The following HTR4 variants were observed in gnomAD, a reference collection of about 807,000 sequenced individuals.
HTR4 encodes 5-hydroxytryptamine receptor 4.
A neutral mutation model predicts 36.8 loss-of-function variants in HTR4; 16 were observed. The ratio of observed to expected loss-of-function variants is 0.43; its 90% CI spans 0.29 to 0.66. The LOEUF (loss-of-function observed/expected upper bound fraction) is 0.66. HTR4 is among the 30% of genes least tolerant of loss of function. HTR4 has a pLI of 0.13. For missense variants in HTR4, 438 were observed against 490.9 expected, an observed-to-expected ratio of 0.89 and a Z score of 1.02; for synonymous variants, 189 against 185.1, an observed-to-expected ratio of 1.02 and a Z score of -0.17.
downstream of HTR4, among the ~76,000 whole-genome samples, chr5:148,472,734 G>C (rs1203376019): frequency 1.3e-5 from 2 of 152,140 alleles, no homozygotes; most frequent in Non-Finnish European, 2.9e-5. Context: ...GGTTAGCAGG[G>C]AGAAGTTGCA....
At chr5:148,493,738 G>A (rs1434979483) in intron 6 of HTR4, among the ~76,000 whole-genome samples, 2 of 151,994 alleles carry the variant, frequency 1.3e-5, no homozygotes, top group Non-Finnish European at 1.5e-5. Flanking sequence ...CCTGCCATTC[G>A]AACAAGTTGC....
At chr5:148,610,102 T>C (rs1350914000) in intron 2 of HTR4, among the ~76,000 whole-genome samples, 1 of 152,196 alleles carries the variant, frequency 6.6e-6, no homozygotes, top group African/African-American at 2.4e-5. Context: ...CAATAAAACA[T>C]TGCTCATCAC....
chr5:148,528,179 T>C (rs932153342), intron 4 of HTR4, among the ~76,000 whole-genome samples: 4 of 152,214 alleles, frequency 2.6e-5, no homozygotes, highest in African/African-American at 9.6e-5. Context: ...GTTAGGTAGA[T>C]TGTTAGTGAC....
chr5:148,472,175 G>T (rs1755585591), downstream of HTR4, among the ~76,000 whole-genome samples: 1 of 152,184 alleles, frequency 6.6e-6, no homozygotes, highest in South Asian at 2.1e-4. Context: ...GCAATACAGA[G>T]TCTCTTCCAT....
At chr5:148,537,997 C>T (rs1758916203) in intron 4 of HTR4, among the ~76,000 whole-genome samples, 1 of 152,174 alleles carries the variant, frequency 6.6e-6, no homozygotes, top group Non-Finnish European at 1.5e-5. Flanking sequence ...TACTTGCAAA[C>T]TGAATCCAGC....
chr5:148,539,812 C>T (rs540103935), intron 4 of HTR4, among the ~76,000 whole-genome samples: 7 of 152,138 alleles, frequency 4.6e-5, no homozygotes, highest in Non-Finnish European at 8.8e-5. Context: ...AACACTATGG[C>T]GATTCCTCAA....
rs200514272 is a variant in HTR4, at chr5:148,523,176, T to C, written c.507+17A>G. 9.8e-5 allele frequency: 157 copies of C among 1,608,068 alleles called. No homozygotes were observed. The highest frequency in any genetic ancestry group is 1.3e-4 in the Non-Finnish European group (147 of 1,175,862). On this transcript the variant is annotated intron_variant, in intron 5 of 6. Coordinates refer to ENST00000377888, the MANE Select transcript of HTR4 (RefSeq NM_000870.7). ...TTGATCAGACAGTAAACCAGTGAGGTCTGTGTGGATACTCACCAAATCAAT... is the reference window on the plus strand; with the variant it reads ...TTGATCAGACAGTAAACCAGTGAGGCCTGTGTGGATACTCACCAAATCAAT...
At chr5:148,647,515 C>T (rs971194821) in intron 1 of HTR4, among the ~76,000 whole-genome samples, 3 of 152,084 alleles carry the variant, frequency 2.0e-5, no homozygotes, top group African/African-American at 7.2e-5. Flanking sequence ...GAGTCTTTCC[C>T]TCTCCCCTTA....
Position 148,550,662 on chromosome 5 carries a change from C to T in HTR4, c.27-400G>A, listed in dbSNP as rs78985254. Among the ~76,000 whole-genome samples, 1,050 of 152,260 alleles carry T rather than the reference C, an allele frequency of 6.9e-3. 6 individuals carry two copies. The highest frequency in any genetic ancestry group is 0.011 in the Non-Finnish European group (750 of 68,016). On this transcript the variant is annotated intron_variant, in intron 2 of 6. Coordinates refer to ENST00000377888, the MANE Select transcript of HTR4 (RefSeq NM_000870.7). ...GCAGGAGCAGCCCAATTTGGTCCAA[C>T]TTTGTGTATAAAATGGTGAGTTGTG...
chr5:148,530,017 A>C lies in HTR4; in HGVS notation c.354-6671T>G, dbSNP rs115237585. ...TGGAAGAAATTTCCACCAGGAAGAA[A>C]TTTCCACCATCAGGAAGAAATGTTA... On this transcript the variant is annotated intron_variant, in intron 4 of 6. Coordinates refer to ENST00000377888, the MANE Select transcript of HTR4 (RefSeq NM_000870.7). 5.6e-3 allele frequency among the ~76,000 whole-genome samples: 852 copies of C among 152,308 alleles called. 3 individuals are homozygous for C. The highest frequency in any genetic ancestry group is 0.019 in the African/African-American group (802 of 41,572).
intron 2 of HTR4, among the ~76,000 whole-genome samples, chr5:148,621,361 C>G (rs931643116): frequency 1.3e-5 from 2 of 152,206 alleles, no homozygotes; most frequent in African/African-American, 4.8e-5. Flanking sequence ...ATTCTACTCT[C>G]TTAGCTGTCT....
exon 6 of HTR4, chr5:148,451,238 G>A: frequency 6.2e-7 from 1 of 1,613,888 alleles, no homozygotes; most frequent in South Asian, 1.1e-5. Context: ...AGTTTCTCGA[G>A]TTCCTGATGA....
At chr5:148,514,708 C>A (rs1757654951) in intron 5 of HTR4, among the ~76,000 whole-genome samples, 2 of 152,046 alleles carry the variant, frequency 1.3e-5, no homozygotes, top group Admixed American at 1.3e-4. Flanking sequence ...TATTCAGTAT[C>A]TTGTTTTATA....
chr5:148,651,922 G>A (rs1444612800), intron 1 of HTR4, among the ~76,000 whole-genome samples: 1 of 151,918 alleles, frequency 6.6e-6, no homozygotes, highest in African/African-American at 2.4e-5. Flanking sequence ...AAGAACCCTT[G>A]GAAATGATCT....
In HTR4 at chr5:148,498,971, T is replaced by C. The variant is rs556724183; in HGVS notation, c.1076+10485A>G. ...AATATGAACAAAATGGTAGAGTTGA[T>C]AGATTAAAAAATGACTCATCAACTT... On this transcript the variant is annotated intron_variant, in intron 6 of 6. Transcript: ENST00000377888. Among the ~76,000 whole-genome samples, 19 of 152,318 alleles carry C rather than the reference T, an allele frequency of 1.2e-4. No individual in the cohort carries two copies. In the South Asian group the frequency reaches 2.7e-3, roughly 22 times the overall value.
chr5:148,455,375 C>A (rs1581328685), intron 5 of HTR4, among the ~76,000 whole-genome samples: 1 of 152,216 alleles, frequency 6.6e-6, no homozygotes, highest in Non-Finnish European at 1.5e-5. Flanking sequence ...GGCAACCAGA[C>A]ATCTGTGACC....
intron 1 of HTR4, among the ~76,000 whole-genome samples, chr5:148,651,725 G>T (rs1281080889): frequency 2.7e-5 from 4 of 147,316 alleles, no homozygotes; most frequent in Non-Finnish European, 4.4e-5. Context: ...TAATATTATT[G>T]AATAAAAATA....
chr5:148,592,755 G>A (rs1202203130), intron 2 of HTR4, among the ~76,000 whole-genome samples: 2 of 151,772 alleles, frequency 1.3e-5, no homozygotes, highest in East Asian at 1.9e-4. Flanking sequence ...TGTCTCATAC[G>A]AAATATAAAC....
chr5:148,499,762 G>A (rs983962478), intron 6 of HTR4, among the ~76,000 whole-genome samples: 7 of 152,198 alleles, frequency 4.6e-5, no homozygotes, highest in African/African-American at 1.7e-4. Context: ...TCTGGGTTAT[G>A]GGGGTGGAGG....
Sources: gnomAD v4.1 joint callset for allele counts (sites outside exome capture counted in the v4.1 genomes callset) on GRCh38, gnomAD v4.1.1 for gene constraint, MANE v1.5 for transcripts, NCBI Gene and HGNC (gene_info 2026-07-23, HGNC 2026-07-21) for gene names.